Variants in MSI2 observed in about 807,000 individuals in gnomAD.
The protein encoded by MSI2 is musashi RNA binding protein 2.
A neutral mutation model predicts 45.6 loss-of-function variants in MSI2; 17 were observed. The ratio of observed to expected loss-of-function variants is 0.37; its 90% CI spans 0.26 to 0.56. The LOEUF (loss-of-function observed/expected upper bound fraction) is 0.56. MSI2 is among the 20% of genes least tolerant of loss of function. MSI2 has a pLI of 0.77. For missense variants in MSI2, 293 were observed against 444.2 expected (o/e 0.66, Z 3.06); for synonymous variants, 156 against 158.2 (o/e 0.99, Z 0.11).
chr17:57,535,802 C>G (rs1275400749), intron 7 of MSI2, among the ~76,000 whole-genome samples: 1 of 152,230 alleles, frequency 6.6e-6, no homozygotes, highest in Non-Finnish European at 1.5e-5. Context: ...TTGGGTTCTT[C>G]CTGGAGCTTG....
intron 10 of MSI2, among the ~76,000 whole-genome samples, chr17:57,644,793 C>T (rs1454137667): frequency 6.6e-6 from 1 of 152,046 alleles, no homozygotes; most frequent in Non-Finnish European, 1.5e-5. Flanking sequence ...ATGCATATTA[C>T]AAAAGAGTCT....
chr17:57,395,899 A>T (rs774691492), intron 5 of MSI2, among the ~76,000 whole-genome samples: 3 of 152,202 alleles, frequency 2.0e-5, no homozygotes, highest in Non-Finnish European at 2.9e-5. Flanking sequence ...CTAGCATGCG[A>T]GTCATCTCAT....
At chr17:57,324,596 G>A (rs1174031691) in intron 5 of MSI2, among the ~76,000 whole-genome samples, 5 of 152,138 alleles carry the variant, frequency 3.3e-5, no homozygotes, top group Admixed American at 6.6e-5. Context: ...TGCCTGGCTC[G>A]GAAGGTGTTT....
intron 5 of MSI2, among the ~76,000 whole-genome samples, chr17:57,391,004 C>T (rs749863277): frequency 1.3e-5 from 2 of 152,204 alleles, no homozygotes; most frequent in Non-Finnish European, 2.9e-5. Context: ...CTTTGACATG[C>T]TCAACTTTTG....
intron 7 of MSI2, among the ~76,000 whole-genome samples, chr17:57,589,675 C>A (rs1904641430): frequency 6.6e-6 from 1 of 152,210 alleles, no homozygotes; most frequent in African/African-American, 2.4e-5. Context: ...AGCCATATGG[C>A]CACCAAATCC....
At chr17:57,610,103 A>T (rs188355580) in intron 8 of MSI2, among the ~76,000 whole-genome samples, 15 of 152,282 alleles carry the variant, frequency 9.9e-5, no homozygotes, top group Admixed American at 6.5e-4. Context: ...TGCTATGATT[A>T]CGTAAGAAAA....
intron 7 of MSI2, among the ~76,000 whole-genome samples, chr17:57,539,850 A>T (rs902661126): frequency 2.0e-5 from 3 of 152,178 alleles, no homozygotes; most frequent in Non-Finnish European, 4.4e-5. Context: ...ATTCAAGTTT[A>T]AAAAAAGTTA....
At chr17:57,535,426 AC>A (rs2086900890) in intron 7 of MSI2, among the ~76,000 whole-genome samples, 2 of 152,314 alleles carry the variant, frequency 1.3e-5, no homozygotes, top group South Asian at 4.1e-4. Flanking sequence ...CTGGCAGAGG[AC>A]ATCCCTGTGG....
chr17:57,620,456 T>TA (rs1908183633), intron 9 of MSI2, among the ~76,000 whole-genome samples: 2 of 152,320 alleles, frequency 1.3e-5, no homozygotes, highest in South Asian at 4.1e-4. Context: ...TCAGAGAAGT[T>TA]AAAGTGTGGA....
chr17:57,600,284 C>A (rs1490728890), intron 8 of MSI2, among the ~76,000 whole-genome samples: 1 of 152,228 alleles, frequency 6.6e-6, no homozygotes, highest in Non-Finnish European at 1.5e-5. Context: ...CGCAATCTTT[C>A]TGGGTATTTG....
intron 6 of MSI2, among the ~76,000 whole-genome samples, chr17:57,466,951 C>T (rs1487983101): frequency 6.6e-6 from 1 of 152,178 alleles, no homozygotes; most frequent in African/African-American, 2.4e-5. Context: ...GGAATCTTGG[C>T]TGCTGTGATT....
intron 6 of MSI2, among the ~76,000 whole-genome samples, chr17:57,474,693 TTTTTTGTTGTTTTTTTG>T (rs1016698660): frequency 3.3e-5 from 4 of 120,294 alleles, no homozygotes; most frequent in Admixed American, 9.3e-5. Context: ...TGTGTACTGT[TTTTTTGTTGTTTTTTTG>T]TTTTTGTTTT....
At chr17:57,481,665 T>A (rs1174788918) in intron 6 of MSI2, among the ~76,000 whole-genome samples, 1 of 152,194 alleles carries the variant, frequency 6.6e-6, no homozygotes, top group Admixed American at 6.5e-5. Flanking sequence ...CATTTGAAAA[T>A]GTAAAGCTTA....
chr17:57,358,917 G>A (rs1916633586), intron 5 of MSI2, among the ~76,000 whole-genome samples: 1 of 152,094 alleles, frequency 6.6e-6, no homozygotes, highest in Non-Finnish European at 1.5e-5. Flanking sequence ...CTTTGAGATT[G>A]GTTTTATAGA....
chr17:57,322,878 T>G (rs1567756710), intron 5 of MSI2, among the ~76,000 whole-genome samples: 1 of 151,938 alleles, frequency 6.6e-6, no homozygotes. Flanking sequence ...ACCTGGGGGG[T>G]TCCCAGGTGA....
chr17:57,567,592 G>A (rs948666332), intron 7 of MSI2, among the ~76,000 whole-genome samples: 17 of 152,316 alleles, frequency 1.1e-4, no homozygotes, highest in Middle Eastern at 3.4e-3. Flanking sequence ...GTTAACCGGC[G>A]ACTGCCAGTC....
chr17:57,459,661 C>T (rs960924166), intron 6 of MSI2, among the ~76,000 whole-genome samples: 1 of 152,142 alleles, frequency 6.6e-6, no homozygotes, highest in Non-Finnish European at 1.5e-5. Flanking sequence ...TACTCATGGC[C>T]TCATGGTAAG....
chr17:57,645,440 G>GT (rs1290610758), intron 10 of MSI2, among the ~76,000 whole-genome samples: 1 of 151,078 alleles, frequency 6.6e-6, no homozygotes, highest in Non-Finnish European at 1.5e-5. Context: ...TTTGTTTTTT[G>GT]GTTTTTTTTT....
chr17:57,558,589 C>CT (rs1307333813), intron 7 of MSI2, among the ~76,000 whole-genome samples: 3 of 152,200 alleles, frequency 2.0e-5, no homozygotes, highest in Non-Finnish European at 4.4e-5. Flanking sequence ...AACCACGACT[C>CT]TAAGTCACTT....
Sources: allele counts gnomAD v4.1 joint callset (sites outside exome capture counted in the v4.1 genomes callset), GRCh38; gene constraint gnomAD v4.1.1; transcripts MANE v1.5; gene names NCBI Gene and HGNC (gene_info 2026-07-23, HGNC 2026-07-21).